The following PTCHD4 variants were observed in gnomAD, a reference collection of about 807,000 sequenced individuals.
PTCHD4 encodes patched domain-containing protein 4.
Under a neutral mutation model 58.1 loss-of-function variants are expected in PTCHD4, and 33 were observed. That is an observed-to-expected ratio of 0.57 (90% CI 0.43 to 0.76). The LOEUF (loss-of-function observed/expected upper bound fraction) is 0.76. Ranked by LOEUF, PTCHD4 falls within the 30% of genes least tolerant of loss-of-function variation. PTCHD4 has a pLI of 0.00. For missense variants in PTCHD4, 1,058 were observed against 1,027.1 expected (o/e 1.03, Z -0.41); for synonymous variants, 478 against 409.6 (o/e 1.17, Z -2.02).
At chr6:47,963,431 T>C (rs1305145310) in intron 4 of PTCHD4, among the ~76,000 whole-genome samples, 1 of 152,016 alleles carries the variant, frequency 6.6e-6, no homozygotes, top group Admixed American at 6.6e-5. Flanking sequence ...GTATGGAGAT[T>C]CCTAAAAATT....
At chr6:47,907,435 A>C (rs1258191801) in intron 4 of PTCHD4, among the ~76,000 whole-genome samples, 1 of 152,206 alleles carries the variant, frequency 6.6e-6, no homozygotes, top group African/African-American at 2.4e-5. Flanking sequence ...ATAATACAAG[A>C]GACAAGAAGA....
chr6:48,069,302 A>T lies in PTCHD4; in HGVS notation c.-345T>A, dbSNP rs1764926288. Among the ~76,000 whole-genome samples the T allele has an allele frequency of 6.6e-6, 1 of 152,042 alleles. No individual in the cohort carries two copies. Among genetic ancestry groups the T allele is most frequent in the Non-Finnish European group, 1.5e-5 (1 of 67,986 alleles). On this transcript the variant is annotated 5_prime_UTR_variant, in exon 2 of 5. Transcript: ENST00000339488. ...CTGGAGTGAATTGAAGAGGAAATAA[A>T]TGGTGAAGGTGCTGCTGGCCCATTG...
chr6:47,899,106 G>A (rs1263551790), intron 4 of PTCHD4, among the ~76,000 whole-genome samples: 1 of 152,196 alleles, frequency 6.6e-6, no homozygotes, highest in East Asian at 1.9e-4. Flanking sequence ...AGGTCTAGGA[G>A]AAACTCTTCT....
At chr6:47,923,867 G>A (rs1044942198) in intron 4 of PTCHD4, among the ~76,000 whole-genome samples, 1 of 152,126 alleles carries the variant, frequency 6.6e-6, no homozygotes. Context: ...CTCTTGGCAC[G>A]TGCTTCTTGT....
At chr6:48,011,496 C>A (rs1351941909) in intron 3 of PTCHD4, among the ~76,000 whole-genome samples, 2 of 152,010 alleles carry the variant, frequency 1.3e-5, no homozygotes, top group Non-Finnish European at 2.9e-5. Context: ...GGATAGATTG[C>A]AAAAATTTTC....
intron 4 of PTCHD4, among the ~76,000 whole-genome samples, chr6:47,988,738 T>C (rs1017594593): frequency 1.3e-5 from 2 of 152,210 alleles, no homozygotes; most frequent in Non-Finnish European, 2.9e-5. Context: ...CCCACCATGA[T>C]TGTGAGGCCT....
chr6:47,927,175 A>C (rs1022417773), intron 4 of PTCHD4, among the ~76,000 whole-genome samples: 1 of 152,212 alleles, frequency 6.6e-6, no homozygotes, highest in African/African-American at 2.4e-5. Context: ...AGCCTGAACT[A>C]GATATGCTTA....
At chr6:47,883,109 A>G (rs1289675224) in intron 4 of PTCHD4, among the ~76,000 whole-genome samples, 1 of 152,040 alleles carries the variant, frequency 6.6e-6, no homozygotes, top group Non-Finnish European at 1.5e-5. Flanking sequence ...TATACTATTT[A>G]CTTTCATTCA....
intron 3 of PTCHD4, among the ~76,000 whole-genome samples, chr6:48,017,224 T>C (rs975053440): frequency 6.6e-6 from 1 of 152,174 alleles, no homozygotes; most frequent in Non-Finnish European, 1.5e-5. Context: ...GTTATCTTTA[T>C]TTTCCACACC....
intron 4 of PTCHD4, among the ~76,000 whole-genome samples, chr6:47,997,882 A>T (rs1244687877): frequency 6.6e-6 from 1 of 152,184 alleles, no homozygotes; most frequent in Admixed American, 6.5e-5. Context: ...TTTCTCTGCC[A>T]ATTTTCTTTT....
chr6:47,967,609 G>A (rs1767341318), intron 4 of PTCHD4, among the ~76,000 whole-genome samples: 1 of 152,188 alleles, frequency 6.6e-6, no homozygotes, highest in Non-Finnish European at 1.5e-5. Flanking sequence ...AAAACTTGTT[G>A]TTTAGTGTAG....
intron 4 of PTCHD4, among the ~76,000 whole-genome samples, chr6:47,916,405 C>T (rs1387961220): frequency 3.3e-5 from 5 of 151,960 alleles, no homozygotes; most frequent in African/African-American, 4.8e-5. Context: ...ATCATCCAGG[C>T]GAAGACTACC....
chr6:48,089,162 G>A (rs959984565), intron 1 of PTCHD4, among the ~76,000 whole-genome samples: 8 of 152,188 alleles, frequency 5.3e-5, no homozygotes, highest in African/African-American at 1.9e-4. Context: ...GTAGCAGCAA[G>A]GGCAGAAATT....
At chr6:47,903,100 G>A (rs1051248816) in intron 4 of PTCHD4, among the ~76,000 whole-genome samples, 1 of 152,266 alleles carries the variant, frequency 6.6e-6, no homozygotes, top group Non-Finnish European at 1.5e-5. Context: ...AGTTTAGAAG[G>A]AAAGAAGTGG....
chr6:47,879,799 T>G lies in PTCHD4; in HGVS notation c.1036A>C (p.Ile346Leu). The G allele has an allele frequency of 6.2e-7, 1 of 1,613,680 alleles. No homozygotes were observed. The highest frequency in any genetic ancestry group is 8.5e-7 in the Non-Finnish European group (1 of 1,179,788). The part of the protein sequence containing the change: ...TYTMTSSLYF[I>L]TFGMGASPFT... ...GGGCTGGCACCCATGCCAAAAGTGA[T>G]GAAGTACAGGGAGCTGGTCATGGTA... Residue 346 changes from isoleucine (I) to leucine (L), a missense_variant, in exon 5 of 5, where the codon ATC (isoleucine) becomes CTC (leucine). Transcript: ENST00000339488.
chr6:48,083,127 C>CAT (rs934407105), intron 1 of PTCHD4, among the ~76,000 whole-genome samples: 8 of 149,556 alleles, frequency 5.3e-5, no homozygotes, highest in East Asian at 1.9e-4. Flanking sequence ...AGAAAGTCTG[C>CAT]ATATATATAT....
intron 4 of PTCHD4, among the ~76,000 whole-genome samples, chr6:48,000,248 A>T (rs887920201): frequency 6.6e-6 from 1 of 152,174 alleles, no homozygotes; most frequent in African/African-American, 2.4e-5. Context: ...TGATCAAGGC[A>T]TTATTTGTTA....
chr6:47,867,495 C>T lies in PTCHD4; in HGVS notation c.*10808G>A, dbSNP rs1763601011. 6.6e-6 allele frequency among the ~76,000 whole-genome samples: 1 copy of T among 151,434 alleles called. No homozygotes were observed. The highest frequency in any genetic ancestry group is 1.5e-5 in the Non-Finnish European group (1 of 67,774). Reference sequence around the variant, plus strand: ...ATAAAAAGAGCTTTTTCTTTATGATCCCTCTCCAAAATCCAAGTAACTCCC... The same window carrying T: ...ATAAAAAGAGCTTTTTCTTTATGATTCCTCTCCAAAATCCAAGTAACTCCC... On this transcript the variant is annotated 3_prime_UTR_variant, in exon 5 of 5. Transcript: ENST00000339488.
Position 47,873,371 on chromosome 6 carries a change from T to G in PTCHD4, c.*4932A>C, listed in dbSNP as rs1353910590. Among the ~76,000 whole-genome samples, 1 of 151,666 alleles carries G rather than the reference T, an allele frequency of 6.6e-6. No individual in the cohort carries two copies. Among genetic ancestry groups the G allele is most frequent in the African/African-American group, 2.4e-5 (1 of 41,364 alleles). ...GATGTGGGCTCATCTCTCAATATCC[T>G]TCCAGTGTCATTTCAAATGTTGCCT... is the stretch of plus-strand genomic sequence containing the variant. On this transcript the variant is annotated 3_prime_UTR_variant, in exon 5 of 5. Transcript: ENST00000339488.
Sources: allele counts gnomAD v4.1 joint callset (sites outside exome capture counted in the v4.1 genomes callset), GRCh38; gene constraint gnomAD v4.1.1; transcripts MANE v1.5; gene names NCBI Gene and HGNC (gene_info 2026-07-23, HGNC 2026-07-21).